Variants in ATP2B1 observed in about 807,000 individuals in gnomAD.
ATP2B1 encodes the protein plasma membrane calcium-transporting ATPase 1.
ATP2B1 carries 14 observed loss-of-function variants against 124.2 expected under a neutral mutation model. The ratio of observed to expected loss-of-function variants is 0.11; its 90% confidence interval spans 0.07 to 0.18. The LOEUF (loss-of-function observed/expected upper bound fraction) is 0.18. Ranked by LOEUF, ATP2B1 falls within the 10% of genes least tolerant of loss-of-function variation. The probability of loss-of-function intolerance (pLI) is 1.00; values close to 1 mark genes in which losing one functional copy is unlikely to be tolerated. For synonymous variants in ATP2B1, 449 were observed against 492.4 expected (o/e 0.91, Z 1.17); for missense variants, 763 against 1,466.1 (o/e 0.52, Z 7.83).
intron 1 of ATP2B1, among the ~76,000 whole-genome samples, chr12:89,699,836 A>C (rs1270502193): frequency 6.6e-6 from 1 of 151,982 alleles, no homozygotes; most frequent in Admixed American, 6.6e-5. Flanking sequence ...GCTTAAGCTC[A>C]AAGGCAGGGT....
At chr12:89,676,919 G>A (rs942215526) in intron 1 of ATP2B1, among the ~76,000 whole-genome samples, 7 of 151,922 alleles carry the variant, frequency 4.6e-5, no homozygotes, top group African/African-American at 1.7e-4. Flanking sequence ...TCTACACGGT[G>A]GCAAATCAAA....
At chr12:89,630,772 A>AATATATAAATAC (rs1881731302) in intron 5 of ATP2B1, 127 bp from the exon 6 acceptor site, 1 of 203,960 alleles carries the variant, frequency 4.9e-6, no homozygotes, top group Non-Finnish European at 9.4e-6. Flanking sequence ...TATAAATATA[A>AATATATAAATAC]ATATATAAAT....
chr12:89,666,466 A>C (rs1887331624), intron 1 of ATP2B1, among the ~76,000 whole-genome samples: 1 of 152,108 alleles, frequency 6.6e-6, no homozygotes, highest in Non-Finnish European at 1.5e-5. Flanking sequence ...ATTTCTCTTC[A>C]CTTCTACTGA....
intron 1 of ATP2B1, among the ~76,000 whole-genome samples, chr12:89,697,634 T>A (rs1170767188): frequency 6.6e-6 from 1 of 151,572 alleles, no homozygotes; most frequent in African/African-American, 2.4e-5. Context: ...AACTTATACA[T>A]GCATAAAGTC....
intron 2 of ATP2B1, among the ~76,000 whole-genome samples, chr12:89,643,655 G>C (rs1283411733): frequency 6.6e-6 from 1 of 152,198 alleles, no homozygotes; most frequent in Non-Finnish European, 1.5e-5. Context: ...ACCCTACCAA[G>C]TAAGTCTTTA....
At chr12:89,629,676 TATTC>T (rs1881538223) in intron 6 of ATP2B1, among the ~76,000 whole-genome samples, 2 of 152,194 alleles carry the variant, frequency 1.3e-5, no homozygotes, top group Admixed American at 1.3e-4. Context: ...TGTTTCAAAA[TATTC>T]ATGTGAGAAA....
chr12:89,628,465 G>C (rs929809676), intron 6 of ATP2B1, among the ~76,000 whole-genome samples: 1 of 145,002 alleles, frequency 6.9e-6, no homozygotes, highest in African/African-American at 2.5e-5. Context: ...GTGTTGATGA[G>C]AGTGAGGACA....
chr12:89,594,605 A>AC (rs58979973), intron 20 of ATP2B1: 1 of 151,190 alleles, frequency 6.6e-6, no homozygotes. Flanking sequence ...AAAAAAAAAA[A>AC]CAAAAATACT....
At chr12:89,619,543 G>A (rs538822722) in intron 11 of ATP2B1, among the ~76,000 whole-genome samples, 1 of 151,426 alleles carries the variant, frequency 6.6e-6, no homozygotes, top group Non-Finnish European at 1.5e-5. Context: ...ACCCAGGGGC[G>A]GAGGGTGAAG....
intron 20 of ATP2B1, chr12:89,594,824 GAAGA>G (rs1219150639): frequency 6.6e-6 from 1 of 151,860 alleles, no homozygotes; most frequent in Non-Finnish European, 1.5e-5. Flanking sequence ...ACATTGTACA[GAAGA>G]GAGAGCTCTA....
chr12:89,605,269 G>GA (rs2135956239), intron 15 of ATP2B1, among the ~76,000 whole-genome samples: 1 of 152,310 alleles, frequency 6.6e-6, no homozygotes, highest in East Asian at 1.9e-4. Context: ...GCCACGAGCT[G>GA]AAAGTGTTCC....
upstream of ATP2B1, chr12:89,709,081 A>G (rs1391048241): frequency 6.6e-6 from 1 of 150,708 alleles, no homozygotes; most frequent in African/African-American, 2.4e-5. Flanking sequence ...AGCCCGCCCC[A>G]CTCGGGGCGG....
At chr12:89,700,095 C>A (rs546766872) in intron 1 of ATP2B1, among the ~76,000 whole-genome samples, 1 of 151,226 alleles carries the variant, frequency 6.6e-6, no homozygotes, top group African/African-American at 2.4e-5. Context: ...GTCAAGCAAT[C>A]CTCCTGCTTC....
Position 89,620,168 on chromosome 12 carries a change from A to G in ATP2B1, c.1660T>C (p.Leu554=), listed in dbSNP as rs144639293. The change falls in exon 11 of 21, where the codon TTG becomes CTG. Residue 554 remains leucine (L), a synonymous_variant. Transcript: ENST00000428670. The stretch of plus-strand genomic sequence containing the variant: ...TCCTGATAATCCCGTTTTAAATCCA[A>G]AAGAAGTCCCAACAAGGCACATTCA... ...KTECALLGLL[L]DLKRDYQDVR... 1.2e-6 allele frequency: 2 copies of G among 1,614,106 alleles called. No individual in the cohort carries two copies. Among genetic ancestry groups the G allele is most frequent in the East Asian group, 4.5e-5 (2 of 44,864 alleles).
At chr12:89,680,305 G>T (rs1001336873) in intron 1 of ATP2B1, among the ~76,000 whole-genome samples, 2 of 152,080 alleles carry the variant, frequency 1.3e-5, no homozygotes, top group Admixed American at 6.6e-5. Context: ...GCAAGTATTT[G>T]CAGATATTAA....
At chr12:89,599,810 AC>A (rs1047316771) in intron 19 of ATP2B1, among the ~76,000 whole-genome samples, 2 of 152,198 alleles carry the variant, frequency 1.3e-5, no homozygotes, top group African/African-American at 4.8e-5. Context: ...TTGGATTAGT[AC>A]TGATTGATGA....
chr12:89,631,940 T>C (rs940472492), intron 5 of ATP2B1, among the ~76,000 whole-genome samples: 7 of 152,006 alleles, frequency 4.6e-5, no homozygotes, highest in African/African-American at 1.2e-4. Flanking sequence ...CTGAAGGTTA[T>C]ACAACTATTA....
chr12:89,644,342 G>A (rs1256788677), intron 2 of ATP2B1, among the ~76,000 whole-genome samples: 2 of 152,014 alleles, frequency 1.3e-5, no homozygotes, highest in Non-Finnish European at 2.9e-5. Context: ...CACTGCTCAG[G>A]CAGGCAAAGA....
intron 6 of ATP2B1, among the ~76,000 whole-genome samples, chr12:89,629,562 A>AT (rs1159356053): frequency 2.0e-5 from 3 of 152,228 alleles, no homozygotes; most frequent in Non-Finnish European, 4.4e-5. Flanking sequence ...TAGAGATTTT[A>AT]TAGCTAACAG....
Sources: allele counts gnomAD v4.1 joint callset (sites outside exome capture counted in the v4.1 genomes callset), GRCh38; gene constraint gnomAD v4.1.1; transcripts MANE v1.5; gene names NCBI Gene and HGNC (gene_info 2026-07-23, HGNC 2026-07-21).